The following DNM3 variants were observed in gnomAD, a reference collection of about 807,000 sequenced individuals.
DNM3 encodes the protein dynamin 3.
DNM3 carries 47 observed loss-of-function variants against 101.6 expected under a neutral mutation model. The observed-to-expected ratio is 0.46, with a 90% CI of 0.37 to 0.59. The LOEUF is 0.59. DNM3 is among the 20% of genes least tolerant of loss of function. The pLI is 0.00. For synonymous variants in DNM3, 385 were observed against 387.9 expected (o/e 0.99, Z 0.09); for missense variants, 849 against 1,085.7 (o/e 0.78, Z 3.06).
At chr1:171,906,418 A>G (rs1488572384) in intron 1 of DNM3, among the ~76,000 whole-genome samples, 1 of 151,180 alleles carries the variant, frequency 6.6e-6, no homozygotes, top group Non-Finnish European at 1.5e-5. Context: ...GTGAGCCACC[A>G]CGCCCTACCA....
intron 19 of DNM3, among the ~76,000 whole-genome samples, chr1:172,387,633 G>A (rs1267568281): frequency 1.3e-5 from 2 of 151,664 alleles, no homozygotes; most frequent in African/African-American, 4.8e-5. Context: ...ACTCCAGCCT[G>A]GGTGACAGAG....
chr1:172,039,311 G>T (rs1037281250), intron 7 of DNM3, among the ~76,000 whole-genome samples: 8 of 152,030 alleles, frequency 5.3e-5, no homozygotes, highest in African/African-American at 1.5e-4. Context: ...CAGCAGCGTG[G>T]CAATCAAAGC....
At chr1:172,384,849 T>A (rs2069101625) in intron 18 of DNM3, among the ~76,000 whole-genome samples, 1 of 152,198 alleles carries the variant, frequency 6.6e-6, no homozygotes, top group Admixed American at 6.5e-5. Flanking sequence ...GAGTTTTGAA[T>A]TGCACCATGC....
intron 14 of DNM3, among the ~76,000 whole-genome samples, chr1:172,172,845 A>C (rs2059012667): frequency 6.6e-6 from 1 of 151,842 alleles, no homozygotes; most frequent in South Asian, 2.1e-4. Context: ...TCTTAAACAA[A>C]CGGTGATGCA....
intron 14 of DNM3, among the ~76,000 whole-genome samples, chr1:172,227,546 A>G (rs2061180274): frequency 2.0e-5 from 3 of 152,156 alleles, no homozygotes; most frequent in Non-Finnish European, 2.9e-5. Flanking sequence ...CATTCCAACC[A>G]GCAGTGTATA....
At position 172,408,286 on chromosome 1, in the gene DNM3, T is replaced by G. The variant is rs543233260; in HGVS notation, c.*445T>G. 1.0e-6 allele frequency: 1 copy of G among 988,188 alleles called. No homozygotes were observed. The highest frequency in any genetic ancestry group is 6.0e-5 in the Admixed American group (1 of 16,796). 61.2% of individuals were successfully genotyped at this position (988,188 alleles called of 1,614,324 possible). On this transcript the variant is annotated 3_prime_UTR_variant, in exon 21 of 21. Coordinates refer to ENST00000627582, the MANE Select transcript of DNM3 (RefSeq NM_015569.5). ...CAGTAATTCTGTTGTCTACCATTAA[T>G]GCTACTACCTACTCCATAATTGCCT... is the stretch of plus-strand genomic sequence containing the variant.
intron 4 of DNM3, among the ~76,000 whole-genome samples, chr1:171,990,699 C>A (rs796878116): frequency 1.4e-4 from 22 of 152,204 alleles, no homozygotes; most frequent in African/African-American, 4.6e-4. Flanking sequence ...TCAGCCAATT[C>A]TTTTATTTTC....
intron 2 of DNM3, among the ~76,000 whole-genome samples, chr1:171,949,573 C>G (rs2042375583): frequency 6.6e-6 from 1 of 151,754 alleles, no homozygotes; most frequent in South Asian, 2.1e-4. Context: ...GCATGCCTGG[C>G]TAATGAAATT....
intron 15 of DNM3, among the ~76,000 whole-genome samples, chr1:172,259,590 A>G (rs1446577877): frequency 1.3e-5 from 2 of 152,114 alleles, no homozygotes; most frequent in Non-Finnish European, 2.9e-5. Context: ...CACCATTTAC[A>G]TGGAACATCT....
intron 14 of DNM3, among the ~76,000 whole-genome samples, chr1:172,241,382 CTT>C (rs2061744152): frequency 2.0e-5 from 3 of 151,806 alleles, no homozygotes; most frequent in Admixed American, 1.3e-4. Context: ...AGTTTTGACT[CTT>C]ATTATGTGGG....
Position 172,032,639 on chromosome 1 carries a change from TAG to T in DNM3, c.688+140_688+141del. 2 of 497,778 alleles carry T rather than the reference TAG, an allele frequency of 4.0e-6. 1 individual carries two copies. The allele number at this position is 497,778 out of a possible 1,614,324, so 30.8% of individuals were successfully genotyped here. Reference sequence around the variant, plus strand: ...CAGTTGTAAGGAATGGATTTATTATTAGTTATACTTTTCTGGAATGGCTGTAT... The same window carrying T: ...CAGTTGTAAGGAATGGATTTATTATTTTATACTTTTCTGGAATGGCTGTAT... On this transcript the variant is annotated intron_variant, in intron 5 of 20. Transcript: ENST00000627582.
chr1:171,917,598 C>T (rs2039821019), intron 1 of DNM3, among the ~76,000 whole-genome samples: 1 of 152,140 alleles, frequency 6.6e-6, no homozygotes, highest in African/African-American at 2.4e-5. Context: ...TGTCATGTGG[C>T]ATCCAGAGGG....
intron 14 of DNM3, among the ~76,000 whole-genome samples, chr1:172,222,415 C>A (rs1461504826): frequency 1.3e-5 from 2 of 152,232 alleles, no homozygotes; most frequent in East Asian, 1.9e-4. Flanking sequence ...GGCTTTGCCC[C>A]TGGAAAGGAA....
rs1341555771 is a variant in DNM3 at position 172,354,280 on chromosome 1, G to A, written c.1894-24738G>A. Among the ~76,000 whole-genome samples the A allele has an allele frequency of 2.0e-5, 3 of 152,166 alleles. No individual in the cohort carries two copies. The South Asian group carries it at 6.2e-4, about 32-fold the overall frequency. On this transcript the variant is annotated intron_variant, in intron 17 of 20. Transcript: ENST00000627582. ...CGCAGACACTCTGAAGGATGAGAGA[G>A]AACAGAATTTATTGGGAGAAAAGGA... is the stretch of plus-strand genomic sequence containing the variant.
At chr1:172,266,853 A>T (rs2062879523) in intron 15 of DNM3, among the ~76,000 whole-genome samples, 1 of 152,196 alleles carries the variant, frequency 6.6e-6, no homozygotes, top group African/African-American at 2.4e-5. Context: ...CAATTGACCT[A>T]GAGTTCATTG....
chr1:172,300,970 C>A (rs1269241702), intron 15 of DNM3, among the ~76,000 whole-genome samples: 1 of 152,142 alleles, frequency 6.6e-6, no homozygotes, highest in East Asian at 1.9e-4. Flanking sequence ...GATTCCTTGG[C>A]AATACTCAAG....
chr1:172,242,150 C>G (rs987635240), intron 14 of DNM3, among the ~76,000 whole-genome samples: 3 of 152,096 alleles, frequency 2.0e-5, no homozygotes, highest in African/African-American at 7.2e-5. Flanking sequence ...ATCTATGAGT[C>G]CCCAGAGAAG....
chr1:171,947,190 T>C (rs1302291971), intron 2 of DNM3, among the ~76,000 whole-genome samples: 2 of 152,160 alleles, frequency 1.3e-5, no homozygotes, highest in Non-Finnish European at 2.9e-5. Flanking sequence ...AGCTATTCCT[T>C]TAATGGCAGC....
intron 1 of DNM3, among the ~76,000 whole-genome samples, chr1:171,905,195 G>A (rs1369891998): frequency 6.6e-6 from 1 of 152,128 alleles, no homozygotes; most frequent in Admixed American, 6.5e-5. Context: ...ATATGTTACT[G>A]TATACTGCAT....
Sources: gnomAD v4.1 joint callset for allele counts (sites outside exome capture counted in the v4.1 genomes callset) on GRCh38, gnomAD v4.1.1 for gene constraint, MANE v1.5 for transcripts, NCBI Gene and HGNC (gene_info 2026-07-23, HGNC 2026-07-21) for gene names.